Variants in PAPPA2 observed in about 807,000 individuals in gnomAD.
The protein encoded by PAPPA2 is pappalysin 2.
Under a neutral mutation model 176.4 loss-of-function variants are expected in PAPPA2, and 86 were observed. The ratio of observed to expected loss-of-function variants is 0.49; its 90% CI spans 0.41 to 0.58. The LOEUF (loss-of-function observed/expected upper bound fraction) is 0.58, where lower values mean the gene tolerates loss of function less well. Among genes scored for constraint, PAPPA2 ranks in the 20% least tolerant of loss-of-function variants. The pLI, the probability that PAPPA2 is intolerant of heterozygous loss-of-function variation, is 0.00. For missense variants in PAPPA2, 2,073 were observed against 2,256.9 expected (o/e 0.92, Z 1.65); for synonymous variants, 809 against 852.2 (o/e 0.95, Z 0.88).
chr1:176,484,342 G>C (rs1409528068), intron 1 of PAPPA2, among the ~76,000 whole-genome samples: 1 of 152,102 alleles, frequency 6.6e-6, no homozygotes, highest in Non-Finnish European at 1.5e-5. Flanking sequence ...TCTGGCATTT[G>C]TCCTTCTTAC....
chr1:176,571,642 C>G (rs1652340747), intron 2 of PAPPA2, among the ~76,000 whole-genome samples: 1 of 152,162 alleles, frequency 6.6e-6, no homozygotes, highest in Non-Finnish European at 1.5e-5. Context: ...CCATTCTAGT[C>G]CGTGCAAACT....
At chr1:176,508,846 T>A (rs1341771018) in intron 1 of PAPPA2, among the ~76,000 whole-genome samples, 1 of 152,074 alleles carries the variant, frequency 6.6e-6, no homozygotes, top group Non-Finnish European at 1.5e-5. Flanking sequence ...GTGCCTTGCT[T>A]CCCCATCATC....
chr1:176,658,638 T>C (rs764115885), intron 3 of PAPPA2, among the ~76,000 whole-genome samples: 3 of 151,868 alleles, frequency 2.0e-5, no homozygotes, highest in Non-Finnish European at 4.4e-5. Flanking sequence ...ATTAAAGATA[T>C]AGAAGGAGGA....
At chr1:176,768,714 C>G (rs916476410) in intron 15 of PAPPA2, among the ~76,000 whole-genome samples, 1 of 152,074 alleles carries the variant, frequency 6.6e-6, no homozygotes, top group Admixed American at 6.5e-5. Flanking sequence ...CTTAGGTGCT[C>G]GATAAATATC....
chr1:176,635,371 A>G (rs1656635222), intron 3 of PAPPA2, among the ~76,000 whole-genome samples: 1 of 152,222 alleles, frequency 6.6e-6, no homozygotes, highest in Non-Finnish European at 1.5e-5. Flanking sequence ...TTCATAACTG[A>G]ATGATGGGTC....
chr1:176,723,841 G>A (rs1377356590), intron 12 of PAPPA2, among the ~76,000 whole-genome samples: 3 of 151,868 alleles, frequency 2.0e-5, no homozygotes, highest in African/African-American at 4.8e-5. Context: ...TACATAATAA[G>A]CACATTTTAT....
chr1:176,510,521 G>T (rs1332389756), intron 1 of PAPPA2, among the ~76,000 whole-genome samples: 1 of 151,914 alleles, frequency 6.6e-6, no homozygotes, highest in Non-Finnish European at 1.5e-5. Flanking sequence ...TACAAGAAAT[G>T]TTATAAGACA....
chr1:176,767,720 A>G (rs1033400609), intron 15 of PAPPA2, among the ~76,000 whole-genome samples: 1 of 152,144 alleles, frequency 6.6e-6, no homozygotes, highest in East Asian at 1.9e-4. Flanking sequence ...AAGCATGGGT[A>G]TCATCTGGGC....
At chr1:176,656,132 A>G (rs1573203285) in intron 3 of PAPPA2, among the ~76,000 whole-genome samples, 1 of 151,780 alleles carries the variant, frequency 6.6e-6, no homozygotes, top group African/African-American at 2.4e-5. Context: ...GGTCCCAGCA[A>G]CTTAACATAT....
At chr1:176,521,114 C>CAGAG (rs61314398) in intron 1 of PAPPA2, among the ~76,000 whole-genome samples, 7 of 148,670 alleles carry the variant, frequency 4.7e-5, no homozygotes, top group East Asian at 4.0e-4. Context: ...GAGACAGAGA[C>CAGAG]AGAGAGAGAG....
Position 176,595,597 on chromosome 1 carries a change from T to C in PAPPA2, c.1991+2T>C, listed in dbSNP as rs1348447605. On this transcript the variant is annotated splice_donor_variant, in intron 3 of 22. Transcript: ENST00000367662. LOFTEE classifies it high-confidence loss of function. ...CTTTGACCCTGACTCACCCAAGAGG[T>C]AAGGGACTGGGATTTGGGGTGTCCT... 6.2e-7 allele frequency: 1 copy of C among 1,605,778 alleles called. No individual in the cohort carries two copies. Among genetic ancestry groups the C allele is most frequent in the Non-Finnish European group, 8.5e-7 (1 of 1,174,862 alleles).
intron 21 of PAPPA2, among the ~76,000 whole-genome samples, chr1:176,824,243 G>A (rs978231375): frequency 6.6e-6 from 1 of 152,212 alleles, no homozygotes; most frequent in Non-Finnish European, 1.5e-5. Flanking sequence ...AGTTGGAGGT[G>A]TGTGCTATTT....
intron 3 of PAPPA2, among the ~76,000 whole-genome samples, chr1:176,626,923 A>G (rs1245644004): frequency 3.1e-5 from 4 of 129,246 alleles, no homozygotes; most frequent in Non-Finnish European, 6.4e-5. Context: ...AATTTCCACT[A>G]TGTTGTCCAG....
At position 176,842,509 on chromosome 1, in the gene PAPPA2, C is replaced by T. The variant is rs1026839639; in HGVS notation, c.*55C>T. 1.5e-5 allele frequency: 23 copies of T among 1,487,748 alleles called. No homozygotes were observed. The highest frequency in any genetic ancestry group is 6.8e-5 in the South Asian group (6 of 87,656). 92.2% of individuals were successfully genotyped at this position (1,487,748 alleles called of 1,614,324 possible). The stretch of plus-strand genomic sequence containing the variant: ...CTCAGAGGCAGTAAGAAAGAGAGGC[C>T]GACCCAGGAGGAAACAAAGGGTGAA... On this transcript the variant is annotated 3_prime_UTR_variant, in exon 23 of 23. Transcript: ENST00000367662.
chr1:176,634,815 T>G (rs890874115), intron 3 of PAPPA2, among the ~76,000 whole-genome samples: 4 of 139,132 alleles, frequency 2.9e-5, no homozygotes, highest in South Asian at 2.4e-4. Flanking sequence ...GATAGATAGA[T>G]AGATAGATAG....
intron 1 of PAPPA2, among the ~76,000 whole-genome samples, chr1:176,517,839 C>T (rs772756671): frequency 6.6e-6 from 1 of 151,974 alleles, no homozygotes; most frequent in Non-Finnish European, 1.5e-5. Context: ...AGAAGGAAAC[C>T]ATAAAATGAG....
At chr1:176,574,517 G>C (rs1652535130) in intron 2 of PAPPA2, among the ~76,000 whole-genome samples, 1 of 152,052 alleles carries the variant, frequency 6.6e-6, no homozygotes. Context: ...ATTTTCAATT[G>C]ACTGCTGGGC....
At chr1:176,544,584 C>T (rs529969274) in intron 1 of PAPPA2, among the ~76,000 whole-genome samples, 1 of 152,230 alleles carries the variant, frequency 6.6e-6, no homozygotes, top group South Asian at 2.1e-4. Flanking sequence ...TCTTTCACAC[C>T]AAGCAATTCT....
chr1:176,544,197 A>G (rs776526523), intron 1 of PAPPA2, among the ~76,000 whole-genome samples: 3 of 152,184 alleles, frequency 2.0e-5, no homozygotes, highest in Non-Finnish European at 2.9e-5. Context: ...AGACCTGCTG[A>G]TTTACCTCAC....
Sources: allele counts gnomAD v4.1 joint callset (sites outside exome capture counted in the v4.1 genomes callset), GRCh38; gene constraint gnomAD v4.1.1; transcripts MANE v1.5; gene names NCBI Gene and HGNC (gene_info 2026-07-23, HGNC 2026-07-21).